The following ILRUN variants were observed in gnomAD, a reference collection of about 807,000 sequenced individuals.
The protein encoded by ILRUN is protein ILRUN.
In ILRUN, 3 loss-of-function variants were observed where a neutral mutation model predicts 33.8. The observed-to-expected ratio is 0.09, with a 90% confidence interval of 0.04 to 0.23. The LOEUF is 0.23. ILRUN is among the 10% of genes least tolerant of loss of function. The pLI, the probability that ILRUN is intolerant of heterozygous loss-of-function variation, is 1.00. For synonymous variants in ILRUN, 124 were observed against 138.9 expected (o/e 0.89, Z 0.75); for missense variants, 210 against 375.1 (o/e 0.56, Z 3.64).
At position 34,664,223 on chromosome 6, in the gene ILRUN, T is replaced by C. The variant is rs116104320; in HGVS notation, c.159-9444A>G. Reference sequence around the variant, plus strand: ...AATGTATCACAGCACCAAAAACTAATATAATGGCTACACATTGTATTATTC... The same window carrying C: ...AATGTATCACAGCACCAAAAACTAACATAATGGCTACACATTGTATTATTC... On this transcript the variant is annotated intron_variant, in intron 1 of 4. Transcript: ENST00000374023. 6.9e-4 allele frequency among the ~76,000 whole-genome samples: 105 copies of C among 152,352 alleles called. 1 individual carries two copies. The South Asian group carries it at 0.013, about 19-fold the overall frequency.
At chr6:34,677,616 T>A (rs908163824) in intron 1 of ILRUN, among the ~76,000 whole-genome samples, 2 of 152,166 alleles carry the variant, frequency 1.3e-5, no homozygotes, top group Non-Finnish European at 2.9e-5. Context: ...TTACTGTTTT[T>A]TGTTGTTGTT....
chr6:34,642,085 T>C (rs758851511), intron 3 of ILRUN, among the ~76,000 whole-genome samples: 5 of 152,208 alleles, frequency 3.3e-5, no homozygotes, highest in South Asian at 4.1e-4. Flanking sequence ...ATAGTGAAGT[T>C]TGAATCCACT....
chr6:34,626,365 G>A (rs1438345523), intron 3 of ILRUN, among the ~76,000 whole-genome samples: 1 of 151,946 alleles, frequency 6.6e-6, no homozygotes, highest in African/African-American at 2.4e-5. Flanking sequence ...TAGAGATGGG[G>A]GTCTTCCAAT....
intron 3 of ILRUN, among the ~76,000 whole-genome samples, chr6:34,611,275 C>T (rs972735576): frequency 1.3e-5 from 2 of 152,008 alleles, no homozygotes; most frequent in African/African-American, 4.8e-5. Context: ...CTCACCAGAA[C>T]TTATCATACT....
At chr6:34,596,555 C>T (rs940123191) in intron 4 of ILRUN, among the ~76,000 whole-genome samples, 6 of 152,142 alleles carry the variant, frequency 3.9e-5, no homozygotes, top group South Asian at 2.1e-4. Context: ...TCAGGTGATC[C>T]ACCCACCTCA....
intron 1 of ILRUN, among the ~76,000 whole-genome samples, chr6:34,691,545 A>G (rs1763650044): frequency 6.6e-6 from 1 of 152,204 alleles, no homozygotes; most frequent in African/African-American, 2.4e-5. Context: ...CTATAATCCC[A>G]GCACTTTGGG....
In ILRUN at chr6:34,590,527, T is replaced by C. The variant is rs1451592685; in HGVS notation, c.*38A>G. Reference sequence around the variant, plus strand: ...GCCCTAACCCCCCAAAGTCAGGCCTTCTGTCTTTTGTTAATTTTTCTTCTT... The same window carrying C: ...GCCCTAACCCCCCAAAGTCAGGCCTCCTGTCTTTTGTTAATTTTTCTTCTT... On this transcript the variant is annotated 3_prime_UTR_variant, in exon 5 of 5. Coordinates refer to ENST00000374023, the MANE Select transcript of ILRUN (RefSeq NM_024294.4). 2 of 1,613,546 alleles carry C rather than the reference T, an allele frequency of 1.2e-6. No homozygotes were observed. Among genetic ancestry groups the C allele is most frequent in the Admixed American group, 1.7e-5 (1 of 60,006 alleles).
At chr6:34,695,193 T>C (rs773567239) in intron 1 of ILRUN, among the ~76,000 whole-genome samples, 14 of 152,240 alleles carry the variant, frequency 9.2e-5, no homozygotes, top group Non-Finnish European at 1.6e-4. Flanking sequence ...TTTCCAGCGT[T>C]GCTTGAGGCA....
chr6:34,616,747 T>G, intron 3 of ILRUN: 2 of 714,880 alleles, frequency 2.8e-6, no homozygotes, highest in Non-Finnish European at 5.0e-6. Flanking sequence ...CAAGAAAAAC[T>G]AGCAACTTCT....
intron 1 of ILRUN, among the ~76,000 whole-genome samples, chr6:34,675,992 G>A (rs1313960137): frequency 3.9e-5 from 6 of 152,186 alleles, no homozygotes; most frequent in African/African-American, 1.2e-4. Flanking sequence ...CAACAAAGTA[G>A]TGGTTAAATA....
At chr6:34,591,357 T>C (rs1482042628) in intron 4 of ILRUN, among the ~76,000 whole-genome samples, 6 of 152,128 alleles carry the variant, frequency 3.9e-5, no homozygotes, top group Non-Finnish European at 8.8e-5. Context: ...TAGCCAGGCA[T>C]GGTGGCACAC....
intron 3 of ILRUN, among the ~76,000 whole-genome samples, chr6:34,607,853 G>A (rs897629731): frequency 5.9e-5 from 9 of 152,164 alleles, no homozygotes; most frequent in African/African-American, 2.2e-4. Context: ...GGCATTCTGG[G>A]AGGTCTAGGC....
intron 4 of ILRUN, among the ~76,000 whole-genome samples, chr6:34,597,965 G>A (rs1761436188): frequency 6.6e-6 from 1 of 152,036 alleles, no homozygotes; most frequent in Non-Finnish European, 1.5e-5. Context: ...TACTGCTTTG[G>A]CCGTCCCCAA....
intron 4 of ILRUN, among the ~76,000 whole-genome samples, chr6:34,591,859 T>G (rs1212959155): frequency 6.6e-6 from 1 of 152,218 alleles, no homozygotes; most frequent in Non-Finnish European, 1.5e-5. Context: ...CCAAATTTGA[T>G]GGACTGCAGT....
At position 34,588,087 on chromosome 6, in the gene ILRUN, G is replaced by C; in HGVS notation, c.*2478C>G. The C allele has an allele frequency of 2.5e-6, 1 of 398,718 alleles. No individual in the cohort carries two copies. The highest frequency in any genetic ancestry group is 4.4e-6 in the Non-Finnish European group (1 of 226,126). The allele number at this position is 398,718 out of a possible 1,614,324, so 24.7% of individuals were successfully genotyped here. A position where few individuals can be genotyped will look rare whatever the true frequency, so the allele number is the denominator to read the frequency against. ...GAACCCATACCAGTGAGGGGAGAGA[G>C]AATGAATGATACTGATACCCTCCCT... On this transcript the variant is annotated 3_prime_UTR_variant, in exon 5 of 5. Coordinates refer to ENST00000374023, the MANE Select transcript of ILRUN (RefSeq NM_024294.4).
At chr6:34,676,460 C>CTAGCTAGCTAGATAGATAGATAGATA (rs1562029130) in intron 1 of ILRUN, among the ~76,000 whole-genome samples, 6 of 146,738 alleles carry the variant, frequency 4.1e-5, no homozygotes, top group African/African-American at 1.6e-4. Context: ...ATAGATATAG[C>CTAGCTAGCTAGATAGATAGATAGATA]TAGCTAGCTA....
chr6:34,626,668 T>C (rs1453839765), intron 3 of ILRUN, among the ~76,000 whole-genome samples: 3 of 152,176 alleles, frequency 2.0e-5, no homozygotes, highest in Non-Finnish European at 2.9e-5. Context: ...ATGTCGTACA[T>C]TCTACGGGTT....
chr6:34,683,515 C>T (rs75537834), intron 1 of ILRUN, among the ~76,000 whole-genome samples: 16,229 of 71,486 alleles, frequency 0.23, 1,472 homozygotes, highest in East Asian at 0.41. Flanking sequence ...TATATATATA[C>T]ATATATATAT....
chr6:34,652,623 C>T (rs1762692071), intron 2 of ILRUN, among the ~76,000 whole-genome samples: 1 of 152,184 alleles, frequency 6.6e-6, no homozygotes, highest in Non-Finnish European at 1.5e-5. Flanking sequence ...AATAAAAGGT[C>T]ACTTTTATAG....
Sources: allele counts gnomAD v4.1 joint callset (sites outside exome capture counted in the v4.1 genomes callset), GRCh38; gene constraint gnomAD v4.1.1; transcripts MANE v1.5; gene names NCBI Gene and HGNC (gene_info 2026-07-23, HGNC 2026-07-21).